The following ABCC4 variants were observed in gnomAD, a reference collection of about 807,000 sequenced individuals.
ABCC4 encodes ATP-binding cassette sub-family C member 4.
Under a neutral mutation model 168.5 loss-of-function variants are expected in ABCC4, and 102 were observed. The ratio of observed to expected loss-of-function variants is 0.61; its 90% CI spans 0.52 to 0.71. The LOEUF (loss-of-function observed/expected upper bound fraction) is 0.71. Among genes scored for constraint, ABCC4 ranks in the 30% least tolerant of loss-of-function variants. ABCC4 has a pLI of 0.00. For missense variants in ABCC4, 1,402 were observed against 1,605.8 expected (o/e 0.87, Z 2.17); for synonymous variants, 617 against 590.7 (o/e 1.04, Z -0.65).
intron 23 of ABCC4, chr13:95,073,536 A>G (rs2033801152): frequency 2.9e-6 from 1 of 347,406 alleles, no homozygotes; most frequent in Non-Finnish European, 5.2e-6. Context: ...CAGGATCGAC[A>G]TAGATTTAAT....
intron 20 of ABCC4, among the ~76,000 whole-genome samples, chr13:95,102,360 G>A (rs1217663759): frequency 6.6e-6 from 1 of 152,054 alleles, no homozygotes; most frequent in Non-Finnish European, 1.5e-5. Context: ...TGCTCAGGCT[G>A]GTCTCAAACT....
Position 95,166,203 on chromosome 13 carries a change from T to C in ABCC4, c.1989A>G (p.Gln663=), listed in dbSNP as rs775937284. ...CATCTTTCAAGGAGGGTCTAGAAGA[T>C]TGTTGAGACCAAACCGAAGACTCTG... ...TFSESSVWSQ[Q]SSRPSLKDGA... is the part of the protein sequence containing the mutation. Residue 663 remains glutamine (Q), a synonymous_variant, in exon 15 of 31, where the codon CAA becomes CAG. Transcript: ENST00000645237. 12 of 1,613,994 alleles carry C rather than the reference T, an allele frequency of 7.4e-6. No individual in the cohort carries two copies. The highest frequency in any genetic ancestry group is 6.7e-5 in the East Asian group (3 of 44,876).
chr13:95,195,039 GCC>G, intron 8 of ABCC4, 102 bp from the exon 9 acceptor site: 1 of 875,826 alleles, frequency 1.1e-6, no homozygotes, highest in East Asian at 2.7e-5. Flanking sequence ...ACTTTATACA[GCC>G]TACAGATCAT....
chr13:95,241,857 T>C (rs2039952693), intron 3 of ABCC4, among the ~76,000 whole-genome samples: 1 of 152,200 alleles, frequency 6.6e-6, no homozygotes, highest in East Asian at 1.9e-4. Flanking sequence ...CCTGCTTGCC[T>C]TCAGCTTAGT....
Position 95,062,953 on chromosome 13 carries a change from G to T in ABCC4, c.3211-94C>A, listed in dbSNP as rs1398085812. Reference sequence around the variant, plus strand: ...GAGAAAACTTTCGGTTTTTGAAGAAGAATTAAGGACATTCTATATTGAGTG... The same window carrying T: ...GAGAAAACTTTCGGTTTTTGAAGAATAATTAAGGACATTCTATATTGAGTG... On this transcript the variant is annotated intron_variant, in intron 25 of 30. Transcript: ENST00000645237. 3 of 1,385,338 alleles carry T rather than the reference G, an allele frequency of 2.2e-6. No individual in the cohort carries two copies. In the East Asian group the frequency reaches 7.0e-5, roughly 32 times the overall value. 85.8% of individuals were successfully genotyped at this position (1,385,338 alleles called of 1,614,324 possible). A position where few individuals can be genotyped will look rare whatever the true frequency, so the allele number is the denominator to read the frequency against.
chr13:95,147,457 T>C (rs542771411), intron 19 of ABCC4, among the ~76,000 whole-genome samples: 4 of 152,320 alleles, frequency 2.6e-5, no homozygotes, highest in African/African-American at 9.6e-5. Flanking sequence ...AATGTCCATC[T>C]GATAGAAATG....
intron 25 of ABCC4, among the ~76,000 whole-genome samples, chr13:95,063,772 T>A (rs2033391360): frequency 6.6e-6 from 1 of 152,148 alleles, no homozygotes; most frequent in South Asian, 2.1e-4. Context: ...GGGCAATACG[T>A]CTATATTGTA....
intron 19 of ABCC4, among the ~76,000 whole-genome samples, chr13:95,150,668 AC>A (rs1158518166): frequency 6.6e-6 from 1 of 152,226 alleles, no homozygotes; most frequent in African/African-American, 2.4e-5. Flanking sequence ...AACATTACTT[AC>A]AGGGAAAATA....
At chr13:95,103,924 A>G (rs1457438735) in intron 20 of ABCC4, among the ~76,000 whole-genome samples, 3 of 152,070 alleles carry the variant, frequency 2.0e-5, no homozygotes, top group South Asian at 2.1e-4. Flanking sequence ...AAACTCCTGC[A>G]CTTCCTGCCA....
intron 9 of ABCC4, among the ~76,000 whole-genome samples, chr13:95,194,152 C>T (rs907478126): frequency 1.3e-5 from 2 of 152,134 alleles, no homozygotes; most frequent in Admixed American, 1.3e-4. Flanking sequence ...GTGGGTGGCC[C>T]CTGCTGTTGG....
intron 25 of ABCC4, among the ~76,000 whole-genome samples, chr13:95,066,162 G>A (rs1241059259): frequency 2.6e-5 from 4 of 152,138 alleles, no homozygotes; most frequent in African/African-American, 4.8e-5. Flanking sequence ...ATCAAATCAC[G>A]GCATCGAGCC....
chr13:95,215,641 G>A (rs578256862), intron 4 of ABCC4, among the ~76,000 whole-genome samples: 1 of 152,228 alleles, frequency 6.6e-6, no homozygotes, highest in East Asian at 1.9e-4. Context: ...ATGTTACACA[G>A]AATGTATTCT....
chr13:95,100,342 T>C (rs921104697), intron 20 of ABCC4, among the ~76,000 whole-genome samples: 2 of 152,040 alleles, frequency 1.3e-5, no homozygotes, highest in African/African-American at 4.8e-5. Flanking sequence ...CTGGGAAAAA[T>C]TGGAACACTG....
Position 95,290,133 on chromosome 13 carries a change from T to C in ABCC4, c.74+11108A>G, listed in dbSNP as rs540343400. On this transcript the variant is annotated intron_variant, in intron 1 of 30. Transcript: ENST00000645237. Reference sequence around the variant, plus strand: ...ATAGATAGATAGATAGATAGATAGATAGATAGATAGATAGATGATAGATAG... The same window carrying C: ...ATAGATAGATAGATAGATAGATAGACAGATAGATAGATAGATGATAGATAG... Among the ~76,000 whole-genome samples the C allele has an allele frequency of 1.6e-4, 24 of 151,554 alleles. No homozygotes were observed. The South Asian group carries it at 4.8e-3, about 30-fold the overall frequency.
intron 26 of ABCC4, 74 bp from the exon 27 acceptor site, chr13:95,053,258 T>C: frequency 8.7e-7 from 1 of 1,147,068 alleles, no homozygotes; most frequent in Non-Finnish European, 1.3e-6. Flanking sequence ...ACATCAACAA[T>C]AGAATTAAGA....
intron 27 of ABCC4, among the ~76,000 whole-genome samples, chr13:95,050,385 G>T (rs2078975361): frequency 1.3e-5 from 2 of 152,176 alleles, no homozygotes; most frequent in Non-Finnish European, 2.9e-5. Context: ...CCATCTAGAA[G>T]GTAAAAAGAA....
chr13:95,267,913 GC>G (rs1333605890), intron 1 of ABCC4, among the ~76,000 whole-genome samples: 8 of 152,122 alleles, frequency 5.3e-5, no homozygotes, highest in African/African-American at 1.4e-4. Flanking sequence ...CAGCCAATGA[GC>G]CCGTCAATCG....
intron 20 of ABCC4, among the ~76,000 whole-genome samples, chr13:95,110,098 C>G (rs1160760002): frequency 1.3e-5 from 2 of 152,162 alleles, no homozygotes; most frequent in Admixed American, 6.5e-5. Context: ...CACTTGAGGT[C>G]AGGAGTTCCA....
chr13:95,260,234 T>C (rs376387436), intron 1 of ABCC4, among the ~76,000 whole-genome samples: 97 of 152,298 alleles, frequency 6.4e-4, no homozygotes, highest in African/African-American at 2.2e-3. Flanking sequence ...CCTGGCTCAT[T>C]AGCAAAATCC....
Sources: allele counts gnomAD v4.1 joint callset (sites outside exome capture counted in the v4.1 genomes callset), GRCh38; gene constraint gnomAD v4.1.1; transcripts MANE v1.5; gene names NCBI Gene and HGNC (gene_info 2026-07-23, HGNC 2026-07-21).